ZNF646: variants seen among roughly 807,000 people sequenced by gnomAD.
ZNF646 encodes zinc finger protein 646.
ZNF646 carries 49 observed loss-of-function variants against 115.4 expected under a neutral mutation model. The ratio of observed to expected loss-of-function variants is 0.42; its 90% CI spans 0.34 to 0.54. The LOEUF is 0.54. Ranked by LOEUF, ZNF646 falls within the 20% of genes least tolerant of loss-of-function variation. The probability of loss-of-function intolerance (pLI) is 0.04; values close to 1 mark genes in which losing one functional copy is unlikely to be tolerated. For synonymous variants in ZNF646, 933 were observed against 939.0 expected (o/e 0.99, Z 0.12); for missense variants, 2,269 against 2,457.9 (o/e 0.92, Z 1.62).
chr16:31,076,690 G>T lies in ZNF646; in HGVS notation c.366G>T (p.Val122=), dbSNP rs144437721. The change falls in exon 2 of 3, where the codon GTG becomes GTT. Residue 122 remains valine, a synonymous_variant. Transcript: ENST00000300850. Reference sequence around the variant, plus strand: ...CTCCACACCTCCAGGGTGAGACGGTGTCCACTGACTCCTGGGGCCAAAGGC... The same window carrying T: ...CTCCACACCTCCAGGGTGAGACGGTTTCCACTGACTCCTGGGGCCAAAGGC... ...EATPHLQGET[V]STDSWGQRLG... is the part of the protein sequence containing the mutation. The T allele has an allele frequency of 6.2e-7, 1 of 1,613,516 alleles. No homozygotes were observed. The highest frequency in any genetic ancestry group is 1.7e-5 in the Admixed American group (1 of 60,018).
chr16:31,079,110 G>A lies in ZNF646; in HGVS notation c.2786G>A (p.Arg929His), dbSNP rs377644012. The A allele has an allele frequency of 1.1e-4, 182 of 1,586,316 alleles. No homozygotes were observed. Among genetic ancestry groups the A allele is most frequent in the Admixed American group, 2.4e-4 (14 of 58,540 alleles). The change falls in exon 2 of 3, where the codon CGC (arginine) becomes CAC (histidine). Residue 929 changes from arginine (R) to histidine (H), a missense_variant. Coordinates refer to ENST00000300850, the MANE Select transcript of ZNF646 (RefSeq NM_014699.4). The surrounding 1 kb of genome is among the most constrained non-coding windows in gnomAD (Gnocchi z 5.5). Reference protein sequence around the residue: ...EEGVAEAAPARSPPLQLSEAE... With the variant: ...EEGVAEAAPAHSPPLQLSEAE... The stretch of plus-strand genomic sequence containing the variant: ...GGAGTGGCAGAGGCAGCCCCTGCAC[G>A]CAGTCCACCACTGCAGCTCTCGGAA...
In ZNF646 at chr16:31,083,819, A is replaced by G; in HGVS notation, c.*727A>G. ...CAGCTGGTTGGTTGGCCTGTGGGGAAGGAAGGAGGGTGGAGTTGTCCTCAT... is the reference window on the plus strand; with the variant it reads ...CAGCTGGTTGGTTGGCCTGTGGGGAGGGAAGGAGGGTGGAGTTGTCCTCAT... On this transcript the variant is annotated 3_prime_UTR_variant, in exon 3 of 3. Transcript: ENST00000300850. 1.2e-6 allele frequency: 2 copies of G among 1,613,960 alleles called. No homozygotes were observed. Among genetic ancestry groups the G allele is most frequent in the Middle Eastern group, 1.7e-4 (1 of 6,038 alleles).
At chr16:31,081,898 A>G in intron 2 of ZNF646, 197 bp downstream of exon 2, 1 of 944,358 alleles carries the variant, frequency 1.1e-6, no homozygotes, top group East Asian at 2.7e-5. Context: ...AGGTATAACA[A>G]ATAGCAGGGT....
intron 2 of ZNF646, chr16:31,081,933 G>C (rs1007637265): frequency 1.5e-6 from 1 of 654,300 alleles, no homozygotes; most frequent in African/African-American, 1.8e-5. Context: ...GTGGGGGCGT[G>C]GTCAGGCCGA....
At chr16:31,075,239 A>G (rs1297985416) in intron 1 of ZNF646, among the ~76,000 whole-genome samples, 1 of 152,174 alleles carries the variant, frequency 6.6e-6, no homozygotes, top group Non-Finnish European at 1.5e-5. Context: ...TATTCCCAAG[A>G]TGGAAGATAG....
chr16:31,078,125 G>C lies in ZNF646; in HGVS notation c.1801G>C (p.Glu601Gln). ...ERHGLTHGAG[E>Q]KENSRTETTM... ...TCATGGCCTGACTCATGGGGCAGGG[G>C]AAAAGGAAAATAGCAGAACAGAGAC... is the stretch of plus-strand genomic sequence containing the variant. The change falls in exon 2 of 3, where the codon GAA (glutamate) becomes CAA (glutamine). Residue 601 changes from glutamate (E) to glutamine (Q), a missense_variant. This residue lies in a region of ZNF646 where 852 missense variants were observed against 900.2 expected (regional missense o/e 0.95). Transcript: ENST00000300850. The C allele has an allele frequency of 1.2e-6, 2 of 1,614,146 alleles. No homozygotes were observed. The highest frequency in any genetic ancestry group is 2.2e-5 in the South Asian group (2 of 91,090).
At position 31,084,048 on chromosome 16, in the gene ZNF646, G is replaced by C; in HGVS notation, c.*956G>C. The C allele has an allele frequency of 2.0e-6, 3 of 1,523,824 alleles. No homozygotes were observed. Among genetic ancestry groups the C allele is most frequent in the Non-Finnish European group, 2.6e-6 (3 of 1,133,304 alleles). 94.4% of individuals were successfully genotyped at this position (1,523,824 alleles called of 1,614,324 possible). On this transcript the variant is annotated 3_prime_UTR_variant, in exon 3 of 3. Coordinates refer to ENST00000300850, the MANE Select transcript of ZNF646 (RefSeq NM_014699.4). Reference sequence around the variant, plus strand: ...CAAGGCAGCTGGAGTGGGTTAGAACGGCACGTTCTCACTGGAGAGAGAAGG... The same window carrying C: ...CAAGGCAGCTGGAGTGGGTTAGAACCGCACGTTCTCACTGGAGAGAGAAGG...
Position 31,083,166 on chromosome 16 carries a change from C to G in ZNF646, c.*74C>G, listed in dbSNP as rs780575889. ...GAGGGGCTTGATCTCCACATTTTCT[C>G]AGGAGTAGTTCGGGCATCCCCATAT... On this transcript the variant is annotated 3_prime_UTR_variant, in exon 3 of 3. Coordinates refer to ENST00000300850, the MANE Select transcript of ZNF646 (RefSeq NM_014699.4). 7 of 1,539,372 alleles carry G rather than the reference C, an allele frequency of 4.5e-6. No homozygotes were observed. Among genetic ancestry groups the G allele is most frequent in the Non-Finnish European group, 6.1e-6 (7 of 1,147,072 alleles).
chr16:31,076,434 A>C lies in ZNF646; in HGVS notation c.110A>C (p.Asp37Ala), dbSNP rs1305440877. The C allele has an allele frequency of 1.2e-6, 2 of 1,613,644 alleles. No individual in the cohort carries two copies. The highest frequency in any genetic ancestry group is 1.7e-6 in the Non-Finnish European group (2 of 1,179,950). Reference sequence around the variant, plus strand: ...CTGCTCCATCCATCTCCCAACCAGGACAGTGAGGAGGCTGACAGCATCCCT... The same window carrying C: ...CTGCTCCATCCATCTCCCAACCAGGCCAGTGAGGAGGCTGACAGCATCCCT... The part of the protein sequence containing the change: ...RELLHPSPNQ[D>A]SEEADSIPRP... The change falls in exon 2 of 3, where the codon GAC becomes GCC. Residue 37 changes from aspartate to alanine, a missense_variant. Physicochemically the swap from Asp to Ala is moderately radical, Grantham distance 126 (BLOSUM62 -2). Coordinates refer to ENST00000300850, the MANE Select transcript of ZNF646 (RefSeq NM_014699.4).
rs532008374 is a variant in ZNF646 at position 31,083,647 on chromosome 16, C to T, written c.*555C>T. ...GGTGGGGAGTGGGCACCTGTGGCCC[C>T]AGGCAGGTTCCTTCCCACAGCTGCT... On this transcript the variant is annotated 3_prime_UTR_variant, in exon 3 of 3. Transcript: ENST00000300850. The T allele has an allele frequency of 2.6e-6, 4 of 1,535,770 alleles. No individual in the cohort carries two copies. The highest frequency in any genetic ancestry group is 2.3e-4 in the Middle Eastern group (1 of 4,346).
chr16:31,079,971 G>T lies in ZNF646; in HGVS notation c.3647G>T (p.Gly1216Val). ...TGTGGCCGATCCTACAAGCACGCCGGCAGCCTCATCAACCACCGGCAGAGC... is the reference window on the plus strand; with the variant it reads ...TGTGGCCGATCCTACAAGCACGCCGTCAGCCTCATCAACCACCGGCAGAGC... ...EVCGRSYKHAGSLINHRQSHQ... is the reference protein window; with the variant it reads ...EVCGRSYKHAVSLINHRQSHQ... The change falls in exon 2 of 3, where the codon GGC (glycine) becomes GTC (valine). Residue 1216 changes from glycine (G) to valine (V), a missense_variant. Coordinates refer to ENST00000300850, the MANE Select transcript of ZNF646 (RefSeq NM_014699.4). The surrounding 1 kb of genome is among the most constrained non-coding windows in gnomAD (Gnocchi z 5.5). 6.2e-7 allele frequency: 1 copy of T among 1,609,230 alleles called. No individual in the cohort carries two copies. Among genetic ancestry groups the T allele is most frequent in the Non-Finnish European group, 8.5e-7 (1 of 1,176,664 alleles).
At position 31,077,753 on chromosome 16, in the gene ZNF646, C is replaced by T. The variant is rs1346741485; in HGVS notation, c.1429C>T (p.Arg477Trp). The change falls in exon 2 of 3, where the codon CGG becomes TGG. Residue 477 changes from arginine (R) to tryptophan (W), a missense_variant. Physicochemically the swap from Arg to Trp is moderately radical, Grantham distance 101 (BLOSUM62 -3). Transcript: ENST00000300850. ...CSECGRAYRH[R>W]GSLVNHRHSH... is the part of the protein sequence containing the mutation. ...TGAGTGTGGTCGTGCTTACCGCCAC[C>T]GGGGGAGCCTGGTGAACCATCGCCA... is the stretch of plus-strand genomic sequence containing the variant. 11 of 1,613,994 alleles carry T rather than the reference C, an allele frequency of 6.8e-6. No homozygotes were observed. The highest frequency in any genetic ancestry group is 1.1e-5 in the South Asian group (1 of 91,076).
Position 31,076,523 on chromosome 16 carries a change from C to T in ZNF646, c.199C>T (p.Arg67Cys), listed in dbSNP as rs752285031. ...YRHPGSLVNH[R>C]RTHETGLFPC... ...TCACCCCGGGAGCCTGGTTAACCAT[C>T]GTCGGACCCACGAGACTGGCCTTTT... Residue 67 changes from arginine to cysteine, a missense_variant, in exon 2 of 3, where the codon CGT becomes TGT. Around this residue, in one of 5 missense-constraint regions of ZNF646, gnomAD observed 334 missense variants for 323.5 expected, o/e 1.03. Transcript: ENST00000300850. The T allele has an allele frequency of 2.9e-5, 46 of 1,613,376 alleles. No homozygotes were observed. The highest frequency in any genetic ancestry group is 3.8e-5 in the Non-Finnish European group (45 of 1,179,648).
rs2057094170 is a variant in ZNF646, at chr16:31,077,588, G to A, written c.1264G>A (p.Ala422Thr). 1 of 1,613,496 alleles carries A rather than the reference G, an allele frequency of 6.2e-7. No individual in the cohort carries two copies. The highest frequency in any genetic ancestry group is 8.5e-7 in the Non-Finnish European group (1 of 1,179,822). Residue 422 changes from alanine (A) to threonine (T), a missense_variant, in exon 2 of 3, where the codon GCT (alanine) becomes ACT (threonine). By Grantham distance (58) the Ala-to-Thr change is moderately conservative. Transcript: ENST00000300850. ...GGCTGCCCTCAAAAACCATGTGCGG[G>A]CTCATCACAGGCCCAGGCAAGGAGT... The part of the protein sequence containing the change: ...NAAALKNHVR[A>T]HHRPRQGVGE...
At position 31,080,565 on chromosome 16, in the gene ZNF646, A is replaced by T; in HGVS notation, c.4241A>T (p.Gln1414Leu). The T allele has an allele frequency of 6.2e-7, 1 of 1,614,058 alleles. No homozygotes were observed. Among genetic ancestry groups the T allele is most frequent in the Non-Finnish European group, 8.5e-7 (1 of 1,180,028 alleles). The change falls in exon 2 of 3, where the codon CAG (glutamine) becomes CTG (leucine). Residue 1414 changes from glutamine (Q) to leucine (L), a missense_variant. Around this residue, in one of 5 missense-constraint regions of ZNF646, gnomAD observed 1,062 missense variants for 1,172.8 expected, o/e 0.91. Coordinates refer to ENST00000300850, the MANE Select transcript of ZNF646 (RefSeq NM_014699.4). ...AASEANLTGS[Q>L]GLETQLGGAE... ...AGTGAGGCGAACCTGACTGGCAGCC[A>T]GGGACTAGAGACCCAATTGGGTGGT...
chr16:31,079,474 C>T lies in ZNF646; in HGVS notation c.3150C>T (p.Arg1050=), dbSNP rs1302253379. ...GGESLLEAQP[R]PFRCNQCGKT... ...AAAGTTTGTTGGAGGCTCAGCCCCGCCCCTTCCGCTGCAACCAGTGTGGCA... is the reference window on the plus strand; with the variant it reads ...AAAGTTTGTTGGAGGCTCAGCCCCGTCCCTTCCGCTGCAACCAGTGTGGCA... Residue 1050 remains arginine (R), a synonymous_variant, in exon 2 of 3, where the codon CGC becomes CGT. Transcript: ENST00000300850. The surrounding 1 kb of genome is among the most constrained non-coding windows in gnomAD (Gnocchi z 5.5). 6.2e-7 allele frequency: 1 copy of T among 1,613,512 alleles called. No homozygotes were observed. The highest frequency in any genetic ancestry group is 1.3e-5 in the African/African-American group (1 of 75,052).
chr16:31,081,423 C>T lies in ZNF646; in HGVS notation c.5099C>T (p.Thr1700Ile), dbSNP rs1296294678. ...GSLLNHQKAH[T>I]TGLYPCSLCP... ...CTGCTGAACCACCAGAAGGCCCACA[C>T]CACAGGGTTGTACCCGTGCTCCCTC... The change falls in exon 2 of 3, where the codon ACC becomes ATC. Residue 1700 changes from threonine (T) to isoleucine (I), a missense_variant. Physicochemically the swap from Thr to Ile is moderately conservative, Grantham distance 89. Coordinates refer to ENST00000300850, the MANE Select transcript of ZNF646 (RefSeq NM_014699.4). 9 of 1,613,694 alleles carry T rather than the reference C, an allele frequency of 5.6e-6. No homozygotes were observed. The highest frequency in any genetic ancestry group is 2.2e-5 in the South Asian group (2 of 91,074).
At position 31,077,895 on chromosome 16, in the gene ZNF646, T is replaced by C. The variant is rs762010150; in HGVS notation, c.1571T>C (p.Ile524Thr). 1 of 1,613,700 alleles carries C rather than the reference T, an allele frequency of 6.2e-7. No individual in the cohort carries two copies. Among genetic ancestry groups the C allele is most frequent in the Non-Finnish European group, 8.5e-7 (1 of 1,180,014 alleles). ...AAGGCTGCTCGCCGAAGTGCAGACATCGGGGCTGAGGGTGCCCCCAGCCAC... is the reference window on the plus strand; with the variant it reads ...AAGGCTGCTCGCCGAAGTGCAGACACCGGGGCTGAGGGTGCCCCCAGCCAC... Reference protein sequence around the residue: ...HCKAARRSADIGAEGAPSHLK... With the variant: ...HCKAARRSADTGAEGAPSHLK... The change falls in exon 2 of 3, where the codon ATC becomes ACC. Residue 524 changes from isoleucine (I) to threonine (T), a missense_variant. By Grantham distance (89) the Ile-to-Thr change is moderately conservative. Coordinates refer to ENST00000300850, the MANE Select transcript of ZNF646 (RefSeq NM_014699.4).
Position 31,083,015 on chromosome 16 carries a change from C to T in ZNF646, c.5422C>T (p.Pro1808Ser). ...GACGGGCAGAGGGGACTTGCCATTG[C>T]CCCCTCCACCCACCCCCACGACCCC... Reference protein sequence around the residue: ...PVTGRGDLPLPPPPTPTTPLL... With the variant: ...PVTGRGDLPLSPPPTPTTPLL... Residue 1808 changes from proline (P) to serine (S), a missense_variant, in exon 3 of 3, where the codon CCC becomes TCC. Physicochemically the swap from Pro to Ser is moderately conservative, Grantham distance 74. Coordinates refer to ENST00000300850, the MANE Select transcript of ZNF646 (RefSeq NM_014699.4). 3 of 1,599,788 alleles carry T rather than the reference C, an allele frequency of 1.9e-6. No individual in the cohort carries two copies. Among genetic ancestry groups the T allele is most frequent in the Non-Finnish European group, 2.6e-6 (3 of 1,174,706 alleles).
Sources: gnomAD v4.1 joint callset for allele counts (sites outside exome capture counted in the v4.1 genomes callset) on GRCh38, gnomAD v4.1.1 for gene constraint, gnomAD v4.1.1 regional missense constraint, Gnocchi (gnomAD v3.1) non-coding constraint, MANE v1.5 for transcripts, NCBI Gene and HGNC (gene_info 2026-07-23, HGNC 2026-07-21) for gene names.